Variants in ELMO1 observed in about 807,000 individuals in gnomAD.
ELMO1 encodes the protein engulfment and cell motility protein 1.
A neutral mutation model predicts 98.9 loss-of-function variants in ELMO1; 26 were observed. That is an observed-to-expected ratio of 0.26 (90% CI 0.19 to 0.36). ELMO1 has a LOEUF of 0.36. Among genes scored for constraint, ELMO1 ranks in the 10% least tolerant of loss-of-function variants. The pLI, the probability that ELMO1 is intolerant of heterozygous loss-of-function variation, is 1.00. For missense variants in ELMO1, 627 were observed against 935.2 expected, an observed-to-expected ratio of 0.67 and a Z score of 4.30; for synonymous variants, 346 against 346.0, an observed-to-expected ratio of 1.00 and a Z score of 0.00.
chr7:37,191,676 T>C (rs1318414215), intron 13 of ELMO1, among the ~76,000 whole-genome samples: 1 of 152,206 alleles, frequency 6.6e-6, no homozygotes, highest in Non-Finnish European at 1.5e-5. Context: ...TCCCAGCACT[T>C]TGGGAGGCCA....
intron 2 of ELMO1, among the ~76,000 whole-genome samples, chr7:37,333,512 A>C (rs1028185688): frequency 1.1e-4 from 16 of 152,178 alleles, no homozygotes; most frequent in African/African-American, 3.9e-4. Flanking sequence ...GAAAAGGAGA[A>C]TGCCAGAGTT....
intron 14 of ELMO1, among the ~76,000 whole-genome samples, chr7:37,130,536 A>G (rs1384733218): frequency 2.6e-5 from 4 of 152,198 alleles, no homozygotes; most frequent in African/African-American, 7.2e-5. Flanking sequence ...GGCAAGGCCA[A>G]CGAGACAAAG....
chr7:37,232,388 A>C (rs148215661), intron 8 of ELMO1, among the ~76,000 whole-genome samples: 9 of 152,374 alleles, frequency 5.9e-5, no homozygotes, highest in Admixed American at 2.0e-4. Context: ...AATAAATGAT[A>C]ATTGTCCATG....
intron 15 of ELMO1, among the ~76,000 whole-genome samples, chr7:37,036,909 T>G (rs60143738): frequency 6.6e-6 from 1 of 152,152 alleles, no homozygotes; most frequent in African/African-American, 2.4e-5. Context: ...GCAAATTTTA[T>G]GTGGAAGAGA....
chr7:37,258,295 G>T (rs914904828), intron 6 of ELMO1, among the ~76,000 whole-genome samples: 27 of 151,392 alleles, frequency 1.8e-4, no homozygotes, highest in African/African-American at 6.3e-4. Flanking sequence ...AAAAAAACTA[G>T]CTGGGTGTGG....
chr7:37,284,993 AC>A (rs1033679348), intron 4 of ELMO1, among the ~76,000 whole-genome samples: 1 of 152,134 alleles, frequency 6.6e-6, no homozygotes, highest in African/African-American at 2.4e-5. Context: ...GGCCTCCTGC[AC>A]CCGGGCTCTG....
chr7:36,937,302 C>T (rs1481326049), intron 16 of ELMO1, among the ~76,000 whole-genome samples: 1 of 152,166 alleles, frequency 6.6e-6, no homozygotes, highest in Admixed American at 6.5e-5. Context: ...AAGACAGTCA[C>T]ACAGGGAGAA....
chr7:37,433,326 T>C (rs1805009929), intron 1 of ELMO1, among the ~76,000 whole-genome samples: 1 of 152,166 alleles, frequency 6.6e-6, no homozygotes, highest in Non-Finnish European at 1.5e-5. Flanking sequence ...TCCAGGCTAC[T>C]AAGAGAGAAG....
At chr7:37,183,389 T>A (rs1388460039) in intron 13 of ELMO1, among the ~76,000 whole-genome samples, 3 of 152,182 alleles carry the variant, frequency 2.0e-5, no homozygotes, top group Non-Finnish European at 4.4e-5. Context: ...GCCCCTAAAG[T>A]ATTTACAATA....
intron 18 of ELMO1, among the ~76,000 whole-genome samples, chr7:36,882,572 C>T (rs557854401): frequency 6.6e-6 from 1 of 152,318 alleles, no homozygotes; most frequent in South Asian, 2.1e-4. Flanking sequence ...CACCGGAGTC[C>T]CTAGGTACTT....
chr7:37,027,426 T>A (rs748028903), intron 15 of ELMO1, among the ~76,000 whole-genome samples: 9 of 152,122 alleles, frequency 5.9e-5, no homozygotes, highest in African/African-American at 1.9e-4. Context: ...TCAGCCTCTG[T>A]CATGATAAAC....
At chr7:37,134,012 A>G (rs993126699) in intron 13 of ELMO1, among the ~76,000 whole-genome samples, 2 of 152,256 alleles carry the variant, frequency 1.3e-5, no homozygotes, top group African/African-American at 4.8e-5. Flanking sequence ...AAGCATATGG[A>G]AGAATGCTCA....
chr7:36,879,299 G>T (rs1804230922), intron 18 of ELMO1, among the ~76,000 whole-genome samples: 1 of 152,168 alleles, frequency 6.6e-6, no homozygotes, highest in African/African-American at 2.4e-5. Flanking sequence ...GATAAATGAA[G>T]ACCCAAAGCG....
At chr7:37,401,829 C>T (rs536796925) in intron 1 of ELMO1, among the ~76,000 whole-genome samples, 5 of 152,228 alleles carry the variant, frequency 3.3e-5, no homozygotes, top group African/African-American at 1.2e-4. Flanking sequence ...ACAGTCAAGC[C>T]ATATGAGAGA....
intron 4 of ELMO1, among the ~76,000 whole-genome samples, chr7:37,274,536 C>T (rs754978482): frequency 2.0e-4 from 31 of 152,156 alleles, no homozygotes; most frequent in African/African-American, 5.8e-4. Context: ...GGGTATGAAG[C>T]GGCCAGGAGG....
chr7:37,291,946 CTG>C (rs879361469), intron 4 of ELMO1, among the ~76,000 whole-genome samples: 37,911 of 89,824 alleles, frequency 0.42, 8,597 homozygotes, highest in East Asian at 0.6. Context: ...CCCTCTCCCT[CTG>C]CCCACGGTCT....
chr7:37,236,587 T>C (rs1018282527), intron 7 of ELMO1, among the ~76,000 whole-genome samples: 1 of 152,202 alleles, frequency 6.6e-6, no homozygotes, highest in Admixed American at 6.5e-5. Flanking sequence ...AGGTATATAA[T>C]ATATACATAT....
intron 4 of ELMO1, among the ~76,000 whole-genome samples, chr7:37,282,661 G>A (rs915312256): frequency 1.3e-5 from 2 of 152,210 alleles, no homozygotes; most frequent in Non-Finnish European, 2.9e-5. Context: ...TGGGAATGAG[G>A]AAGAAGGATA....
intron 4 of ELMO1, among the ~76,000 whole-genome samples, chr7:37,292,534 G>A (rs1366919116): frequency 1.1e-5 from 1 of 93,816 alleles, no homozygotes; most frequent in Non-Finnish European, 2.6e-5. Flanking sequence ...ATCACATCTG[G>A]GAAGTGAGGA....
Sources: gnomAD v4.1 joint callset for allele counts (sites outside exome capture counted in the v4.1 genomes callset) on GRCh38, gnomAD v4.1.1 for gene constraint, MANE v1.5 for transcripts, NCBI Gene and HGNC (gene_info 2026-07-23, HGNC 2026-07-21) for gene names.